EPHA8: variants seen among roughly 807,000 people sequenced by gnomAD.
EPHA8 encodes the protein EPH receptor A8, also known as ephrin type-A receptor 8.
EPHA8 carries 58 observed loss-of-function variants against 103.6 expected under a neutral mutation model. The ratio of observed to expected loss-of-function variants is 0.56; its 90% CI spans 0.45 to 0.70. The LOEUF (loss-of-function observed/expected upper bound fraction) is 0.70. EPHA8 is among the 30% of genes least tolerant of loss of function. The pLI, the probability that EPHA8 is intolerant of heterozygous loss-of-function variation, is 0.00. For synonymous variants in EPHA8, 559 were observed against 572.5 expected, an observed-to-expected ratio of 0.98 and a Z score of 0.34; for missense variants, 1,304 against 1,395.2, an observed-to-expected ratio of 0.93 and a Z score of 1.04.
At chr1:22,578,031 ATGTG>A (rs765086544) in intron 3 of EPHA8, among the ~76,000 whole-genome samples, 5 of 1,036 alleles carry the variant, frequency 4.8e-3, no homozygotes, top group East Asian at 0.023. Context: ...ACATGTGTGC[ATGTG>A]TATGTATGTG....
intron 3 of EPHA8, 132 bp downstream of exon 3, chr1:22,577,012 A>C: frequency 1.9e-6 from 2 of 1,071,088 alleles, no homozygotes; most frequent in Non-Finnish European, 2.6e-6. Flanking sequence ...GGGAAGATGG[A>C]TAAACCTCCA....
chr1:22,584,285 C>A (rs1194684559), intron 3 of EPHA8, among the ~76,000 whole-genome samples: 1 of 152,212 alleles, frequency 6.6e-6, no homozygotes, highest in Non-Finnish European at 1.5e-5. Flanking sequence ...CAAGACTCCT[C>A]ACGACTCCGA....
In EPHA8 at chr1:22,600,806, G is replaced by A. The variant is rs761988321; in HGVS notation, c.2534G>A (p.Arg845Gln). The change falls in exon 14 of 17, where the codon CGG (arginine) becomes CAG (glutamine). Residue 845 changes from arginine to glutamine, a missense_variant. By Grantham distance (43) the Arg-to-Gln change is conservative. Transcript: ENST00000166244. ...CGGCCCTACTGGAACATGACCAACC[G>A]GGATGTGAGTGCCAAGCCCTGGCAG... ...GERPYWNMTN[R>Q]DVISSVEEGY... 2.2e-5 allele frequency: 36 copies of A among 1,605,646 alleles called. No homozygotes were observed. The highest frequency in any genetic ancestry group is 1.7e-4 in the Middle Eastern group (1 of 6,044).
Position 22,576,708 on chromosome 1 carries a change from A to C in EPHA8, c.651A>C (p.Ala217=). The C allele has an allele frequency of 6.2e-7, 1 of 1,613,868 alleles. No individual in the cohort carries two copies. Among genetic ancestry groups the C allele is most frequent in the East Asian group, 2.2e-5 (1 of 44,886 alleles). ...GCAATCTGGCTGCCTTCTCGGAGGC[A>C]GTGACGGGGGCCGACTCGTCCTCAC... ...MVRNLAAFSE[A]VTGADSSSLV... is the part of the protein sequence containing the mutation. The change falls in exon 3 of 17, where the codon GCA becomes GCC. Residue 217 remains alanine, a synonymous_variant. Transcript: ENST00000166244. The surrounding 1 kb of genome is among the most constrained non-coding windows in gnomAD (Gnocchi z 4.8).
chr1:22,589,585 G>A lies in EPHA8; in HGVS notation c.1315+379G>A, dbSNP rs1037678244. 12 of 1,310,832 alleles carry A rather than the reference G, an allele frequency of 9.2e-6. No individual in the cohort carries two copies. The African/African-American group carries it at 1.2e-4, about 13-fold the overall frequency. The allele number at this position is 1,310,832 out of a possible 1,614,324, so 81.2% of individuals were successfully genotyped here. ...AATTGCTTAGCCCAGCACCTGGCCCGTGGTAAATGCTCAATAAATGTCATT... is the reference window on the plus strand; with the variant it reads ...AATTGCTTAGCCCAGCACCTGGCCCATGGTAAATGCTCAATAAATGTCATT... On this transcript the variant is annotated intron_variant, in intron 5 of 16. Coordinates refer to ENST00000166244, the MANE Select transcript of EPHA8 (RefSeq NM_020526.5). This position sits in a 1 kb window ranked among gnomAD's most constrained non-coding sequence, Gnocchi z 4.3.
intron 3 of EPHA8, among the ~76,000 whole-genome samples, chr1:22,585,144 G>C (rs533340770): frequency 9.9e-5 from 15 of 152,262 alleles, no homozygotes; most frequent in African/African-American, 3.1e-4. Context: ...AGGCAGCCCA[G>C]GAAGCGGGCA....
At position 22,593,700 on chromosome 1, in the gene EPHA8, G is replaced by C. The variant is rs779014940; in HGVS notation, c.1603+14G>C. On this transcript the variant is annotated intron_variant, in intron 7 of 16. Transcript: ENST00000166244. Reference sequence around the variant, plus strand: ...CCGGGAAACCCCGTGAGTGCAGGGAGGGGGCGTGGGCGCGGAGCAGCCCAG... The same window carrying C: ...CCGGGAAACCCCGTGAGTGCAGGGACGGGGCGTGGGCGCGGAGCAGCCCAG... 2 of 1,570,158 alleles carry C rather than the reference G, an allele frequency of 1.3e-6. No individual in the cohort carries two copies. The highest frequency in any genetic ancestry group is 1.8e-5 in the Admixed American group (1 of 54,712).
chr1:22,597,226 AC>A lies in EPHA8; in HGVS notation c.1766-82del. The A allele has an allele frequency of 8.8e-7, 1 of 1,136,688 alleles. No homozygotes were observed. The allele number at this position is 1,136,688 out of a possible 1,614,324, so 70.4% of individuals were successfully genotyped here. ...GACTCCCAGAGACACCCCTCACCCC[AC>A]CCCAGACCCATCCCAGGCCCAGGGA... On this transcript the variant is annotated intron_variant, in intron 9 of 16. Transcript: ENST00000166244. The surrounding 1 kb of genome is among the most constrained non-coding windows in gnomAD (Gnocchi z 4.6).
chr1:22,589,118 C>A lies in EPHA8; in HGVS notation c.1227C>A (p.Ser409=). Residue 409 remains serine (S), a synonymous_variant, in exon 5 of 17, where the codon TCC becomes TCA. Coordinates refer to ENST00000166244, the MANE Select transcript of EPHA8 (RefSeq NM_020526.5). The surrounding 1 kb of genome is among the most constrained non-coding windows in gnomAD (Gnocchi z 4.3). ...VANLLAHMNY[S]FWIEAVNGVS... ...ACCTGCTGGCCCACATGAACTACTC[C>A]TTCTGGATCGAGGCCGTCAATGGCG... 1 of 1,613,846 alleles carries A rather than the reference C, an allele frequency of 6.2e-7. No homozygotes were observed. The highest frequency in any genetic ancestry group is 1.1e-5 in the South Asian group (1 of 91,074).
chr1:22,590,344 C>T (rs1179494894), intron 5 of EPHA8, among the ~76,000 whole-genome samples: 1 of 152,188 alleles, frequency 6.6e-6, no homozygotes, highest in Non-Finnish European at 1.5e-5. Flanking sequence ...AAACTAGACC[C>T]TGCCTTGAAC....
rs1641293774 is a variant in EPHA8, at chr1:22,588,933, T to G, written c.1042T>G (p.Trp348Gly). The change falls in exon 5 of 17, where the codon TGG becomes GGG. Residue 348 changes from tryptophan to glycine, a missense_variant. Coordinates refer to ENST00000166244, the MANE Select transcript of EPHA8 (RefSeq NM_020526.5). Reference protein sequence around the residue: ...SVNGTSVTLEWAPPLDPGGRS... With the variant: ...SVNGTSVTLEGAPPLDPGGRS... ...GAATGGGACATCAGTGACTCTGGAGTGGGCCCCTCCCCTGGACCCAGGTGG... is the reference window on the plus strand; with the variant it reads ...GAATGGGACATCAGTGACTCTGGAGGGGGCCCCTCCCCTGGACCCAGGTGG... The G allele has an allele frequency of 6.2e-7, 1 of 1,610,816 alleles. No individual in the cohort carries two copies. Among genetic ancestry groups the G allele is most frequent in the African/African-American group, 1.3e-5 (1 of 74,884 alleles).
In EPHA8 at chr1:22,601,375, G is replaced by T; in HGVS notation, c.2805G>T (p.Val935=). 6.2e-7 allele frequency: 1 copy of T among 1,610,540 alleles called. No homozygotes were observed. The highest frequency in any genetic ancestry group is 8.5e-7 in the Non-Finnish European group (1 of 1,179,400). Residue 935 remains valine (V), a synonymous_variant, in exon 16 of 17, where the codon GTG becomes GTT. Transcript: ENST00000166244. ...GCGGTGGCGGTGGGGGCCTCACCGT[G>T]GGGGACTGGCTGGACTCCATCCGCA... is the stretch of plus-strand genomic sequence containing the variant. The part of the protein sequence containing the change: ...GGSGGGGGLT[V]GDWLDSIRMG...
chr1:22,585,829 G>A (rs548693756), intron 3 of EPHA8, among the ~76,000 whole-genome samples: 17 of 152,260 alleles, frequency 1.1e-4, no homozygotes, highest in Non-Finnish European at 4.4e-5. Flanking sequence ...CCCTCCCATG[G>A]GGGCTTGTAA....
intron 1 of EPHA8, among the ~76,000 whole-genome samples, chr1:22,564,973 C>T (rs1334820312): frequency 6.6e-6 from 1 of 152,162 alleles, no homozygotes; most frequent in Non-Finnish European, 1.5e-5. Context: ...CACAAGCACA[C>T]ACACAGGCTA....
At position 22,600,883 on chromosome 1, in the gene EPHA8, G is replaced by A. The variant is rs375816919; in HGVS notation, c.2539-15G>A. The A allele has an allele frequency of 2.4e-5, 39 of 1,596,574 alleles. No homozygotes were observed. Among genetic ancestry groups the A allele is most frequent in the Middle Eastern group, 1.7e-4 (1 of 6,004 alleles). On this transcript the variant is annotated splice_polypyrimidine_tract_variant and intron_variant, in intron 14 of 16. Transcript: ENST00000166244. ...GCAGGGAGGGACGGCTGAGCCCAGC[G>A]CTGATCCCCTGCAGGTCATCAGCTC...
chr1:22,570,255 C>T (rs138452012), intron 2 of EPHA8, among the ~76,000 whole-genome samples: 16 of 149,606 alleles, frequency 1.1e-4, no homozygotes, highest in Non-Finnish European at 2.1e-4. Flanking sequence ...CATGCACACA[C>T]ACGCACGCAT....
intron 5 of EPHA8, among the ~76,000 whole-genome samples, chr1:22,592,024 C>G (rs1448667493): frequency 6.6e-6 from 1 of 152,172 alleles, no homozygotes; most frequent in African/African-American, 2.4e-5. Context: ...CTGCAGAGTT[C>G]CCGGCTCCTA....
intron 3 of EPHA8, among the ~76,000 whole-genome samples, chr1:22,583,015 C>T (rs1641088256): frequency 6.6e-6 from 1 of 152,254 alleles, no homozygotes. Flanking sequence ...CACCAGCGGA[C>T]ACCTTATTTG....
intron 2 of EPHA8, among the ~76,000 whole-genome samples, chr1:22,570,287 T>TAC (rs571581853): frequency 1.3e-5 from 2 of 151,496 alleles, no homozygotes; most frequent in South Asian, 2.1e-4. Context: ...TGCACGCGCG[T>TAC]ACACACACAT....
Sources: allele counts gnomAD v4.1 joint callset (sites outside exome capture counted in the v4.1 genomes callset), GRCh38; gene constraint gnomAD v4.1.1; non-coding constraint Gnocchi (gnomAD v3.1); transcripts MANE v1.5; gene names NCBI Gene and HGNC (gene_info 2026-07-23, HGNC 2026-07-21).